Variants in TRAP1 observed in about 807,000 individuals in gnomAD.
TRAP1 encodes TNF receptor associated protein 1.
TRAP1 carries 102 observed loss-of-function variants against 89.1 expected under a neutral mutation model. That is an observed-to-expected ratio of 1.15 (90% CI 0.98 to 1.35). TRAP1 has a LOEUF of 1.35. TRAP1 is among the 40% of genes most tolerant of loss of function. TRAP1 has a pLI of 0.00. For synonymous variants in TRAP1, 508 were observed against 388.0 expected (o/e 1.31, Z -3.64); for missense variants, 1,256 against 945.3 (o/e 1.33, Z -4.31).
intron 15 of TRAP1, chr16:3,662,530 C>T (rs1037141817): frequency 2.3e-5 from 12 of 532,012 alleles, no homozygotes; most frequent in South Asian, 1.8e-4. Flanking sequence ...CCAAAACCCC[C>T]GACTAAGCAC....
chr16:3,677,945 G>A, intron 5 of TRAP1: 2 of 364,090 alleles, frequency 5.5e-6, no homozygotes, highest in Non-Finnish European at 1.0e-5. Flanking sequence ...GGTCACACCT[G>A]GGGGTGGGGA....
At chr16:3,674,887 C>A (rs2050967633) in intron 8 of TRAP1, 1 of 328,880 alleles carries the variant, frequency 3.0e-6, no homozygotes, top group Admixed American at 4.5e-5. Context: ...TGCCGTGTGA[C>A]TCCATCCAGG....
At chr16:3,661,854 G>C in intron 16 of TRAP1, 133 bp downstream of exon 16, 1 of 1,213,428 alleles carries the variant, frequency 8.2e-7, no homozygotes, top group Non-Finnish European at 1.1e-6. Flanking sequence ...ACTGCATACA[G>C]CTCCTTATAG....
intron 1 of TRAP1, among the ~76,000 whole-genome samples, chr16:3,703,046 A>AG (rs2051390143): frequency 7.8e-6 from 1 of 127,746 alleles, no homozygotes; most frequent in African/African-American, 4.4e-5. Context: ...CCGTCTTGAA[A>AG]AAAAAAAAAA....
Position 3,693,826 on chromosome 16 carries a change from C to T in TRAP1, c.89-2841G>A, listed in dbSNP as rs140026510. Among the ~76,000 whole-genome samples, 492 of 152,096 alleles carry T rather than the reference C, an allele frequency of 3.2e-3. 2 individuals carry two copies. Among genetic ancestry groups the T allele is most frequent in the African/African-American group, 0.011 (475 of 41,492 alleles). On this transcript the variant is annotated intron_variant, in intron 1 of 17. Coordinates refer to ENST00000246957, the MANE Select transcript of TRAP1 (RefSeq NM_016292.3). Reference sequence around the variant, plus strand: ...TGGGCAAGAAAGTGAGACTCCATCTCTGCAAAAAACACAAAAACTAGCCAG... The same window carrying T: ...TGGGCAAGAAAGTGAGACTCCATCTTTGCAAAAAACACAAAAACTAGCCAG...
At chr16:3,658,921 C>T in intron 16 of TRAP1, 56 bp from the exon 17 acceptor site, 1 of 1,571,710 alleles carries the variant, frequency 6.4e-7, no homozygotes, top group Admixed American at 1.7e-5. Context: ...TGTGACCCTC[C>T]CTTCATGTTT....
chr16:3,717,436 C>A lies in TRAP1; in HGVS notation c.73G>T (p.Ala25Ser). The A allele has an allele frequency of 7.9e-7, 1 of 1,264,592 alleles. No homozygotes were observed. The highest frequency in any genetic ancestry group is 9.9e-7 in the Non-Finnish European group (1 of 1,009,610). The allele number at this position is 1,264,592 out of a possible 1,614,324, so 78.3% of individuals were successfully genotyped here. A position where few individuals can be genotyped will look rare whatever the true frequency, so the allele number is the denominator to read the frequency against. ...LRPLLRAPAL[A>S]AVPGGKPILC... The stretch of plus-strand genomic sequence containing the variant: ...ACGCCCTCACCTCCCGGCACGGCCG[C>A]CAGCGCCGGCGCCCGCAGCAAAGGC... Residue 25 changes from alanine to serine, a missense_variant, in exon 1 of 18, where the codon GCG becomes TCG. Transcript: ENST00000246957.
chr16:3,695,962 A>C (rs1005173359), intron 1 of TRAP1, among the ~76,000 whole-genome samples: 9 of 152,218 alleles, frequency 5.9e-5, no homozygotes, highest in Non-Finnish European at 1.3e-4. Flanking sequence ...AACCTTTGCC[A>C]TGTGTACAGA....
Position 3,666,020 on chromosome 16 carries a change from C to G in TRAP1, c.1334G>C (p.Gly445Ala). The G allele has an allele frequency of 1.2e-6, 2 of 1,614,188 alleles. No homozygotes were observed. The highest frequency in any genetic ancestry group is 8.5e-7 in the Non-Finnish European group (1 of 1,180,036). ...EKYAKFFEDY[G>A]LFMREGIVTA... ...CACAATGCCCTCCCGCATGAACAGGCCGTAATCTTCAAAAAACTTTGCATA... is the reference window on the plus strand; with the variant it reads ...CACAATGCCCTCCCGCATGAACAGGGCGTAATCTTCAAAAAACTTTGCATA... The change falls in exon 12 of 18, where the codon GGC becomes GCC. Residue 445 changes from glycine (G) to alanine (A), a missense_variant. Transcript: ENST00000246957.
At chr16:3,673,740 G>C (rs1465209969) in intron 9 of TRAP1, among the ~76,000 whole-genome samples, 3 of 152,208 alleles carry the variant, frequency 2.0e-5, no homozygotes, top group African/African-American at 7.2e-5. Context: ...AGAAGAGCCT[G>C]GGGGCAGGAC....
At chr16:3,672,939 C>A in intron 9 of TRAP1, 119 bp from the exon 10 acceptor site, 13 of 1,406,486 alleles carry the variant, frequency 9.2e-6, no homozygotes, top group Non-Finnish European at 1.1e-5. Flanking sequence ...CCTCCCCCAG[C>A]GTCTGCTCTG....
chr16:3,671,749 T>A lies in TRAP1; in HGVS notation c.1208A>T (p.Glu403Val). Residue 403 changes from glutamate to valine, a missense_variant, in exon 11 of 18, where the codon GAG (glutamate) becomes GTG (valine). Glu to Val is a moderately radical substitution (Grantham distance 121). Coordinates refer to ENST00000246957, the MANE Select transcript of TRAP1 (RefSeq NM_016292.3). ...SEDIPLNLSRELLQESALIRK... is the reference protein window; with the variant it reads ...SEDIPLNLSRVLLQESALIRK... ...GATGAGTGCGCTCTCCTGCAGCAGCTCCCGGCTGAGGTTCAGGGGAATGTC... is the reference window on the plus strand; with the variant it reads ...GATGAGTGCGCTCTCCTGCAGCAGCACCCGGCTGAGGTTCAGGGGAATGTC... 2.5e-6 allele frequency: 4 copies of A among 1,613,228 alleles called. No homozygotes were observed. Among genetic ancestry groups the A allele is most frequent in the Non-Finnish European group, 3.4e-6 (4 of 1,180,026 alleles).
At chr16:3,682,000 T>A (rs1404613473) in intron 4 of TRAP1, among the ~76,000 whole-genome samples, 3 of 152,190 alleles carry the variant, frequency 2.0e-5, no homozygotes, top group Non-Finnish European at 2.9e-5. Context: ...TGTGGGCATT[T>A]AAGGATCGAC....
chr16:3,686,592 C>T (rs557104489), intron 3 of TRAP1, among the ~76,000 whole-genome samples: 1 of 152,324 alleles, frequency 6.6e-6, no homozygotes, highest in East Asian at 1.9e-4. Flanking sequence ...GTTGGGATTA[C>T]AGACGTGAGC....
chr16:3,710,616 T>C (rs2051515469), intron 1 of TRAP1, among the ~76,000 whole-genome samples: 1 of 152,040 alleles, frequency 6.6e-6, no homozygotes, highest in Non-Finnish European at 1.5e-5. Flanking sequence ...TCGTGGAAAA[T>C]TCGCTTGAAC....
intron 1 of TRAP1, among the ~76,000 whole-genome samples, chr16:3,712,609 T>C (rs1031803707): frequency 3.3e-5 from 5 of 152,144 alleles, no homozygotes; most frequent in South Asian, 2.1e-4. Flanking sequence ...TACATTCGGA[T>C]TGATGTGTTT....
intron 1 of TRAP1, among the ~76,000 whole-genome samples, chr16:3,715,310 C>T (rs578173540): frequency 2.0e-5 from 3 of 152,094 alleles, no homozygotes; most frequent in South Asian, 2.1e-4. Context: ...TGGTGGTGGG[C>T]GCCTAAAGTC....
intron 9 of TRAP1, among the ~76,000 whole-genome samples, chr16:3,673,751 G>A (rs367573387): frequency 6.6e-6 from 1 of 152,304 alleles, no homozygotes; most frequent in South Asian, 2.1e-4. Context: ...GGGGCAGGAC[G>A]GGCTGGCTCT....
At chr16:3,716,702 C>G (rs1001766512) in intron 1 of TRAP1, among the ~76,000 whole-genome samples, 18 of 152,196 alleles carry the variant, frequency 1.2e-4, no homozygotes, top group Non-Finnish European at 2.5e-4. Context: ...GAAGCAATGC[C>G]GAAACTTTCA....
Sources: allele counts gnomAD v4.1 joint callset (sites outside exome capture counted in the v4.1 genomes callset), GRCh38; gene constraint gnomAD v4.1.1; transcripts MANE v1.5; gene names NCBI Gene and HGNC (gene_info 2026-07-23, HGNC 2026-07-21).